The following DIAPH2 variants were observed in gnomAD, a reference collection of about 807,000 sequenced individuals.
DIAPH2 encodes diaphanous related formin 2.
Under a neutral mutation model 92.7 loss-of-function variants are expected in DIAPH2, and 35 were observed. The observed-to-expected ratio is 0.38, with a 90% CI of 0.29 to 0.50. The LOEUF (loss-of-function observed/expected upper bound fraction) is 0.50, where lower values mean the gene tolerates loss of function less well. DIAPH2 is among the 20% of genes least tolerant of loss of function. The probability of loss-of-function intolerance (pLI) is 0.94; values close to 1 mark genes in which losing one functional copy is unlikely to be tolerated. For missense variants in DIAPH2, 701 were observed against 819.5 expected, an observed-to-expected ratio of 0.86 and a Z score of 1.77; for synonymous variants, 301 against 280.4, an observed-to-expected ratio of 1.07 and a Z score of -0.73.
intron 25 of DIAPH2, among the ~76,000 whole-genome samples, chrX:97,424,686 C>G (rs779172210): frequency 1.8e-4 from 20 of 112,028 alleles, no homozygotes; most frequent in Non-Finnish European, 3.4e-4. Context: ...ATGCTCATGG[C>G]TCACTGTAAC....
chrX:96,957,022 T>A (rs770403498), intron 15 of DIAPH2, among the ~76,000 whole-genome samples: 2 of 112,725 alleles, frequency 1.8e-5, no homozygotes, highest in African/African-American at 3.2e-5. Context: ...ACTTTTTTTT[T>A]ATTTTATTAT....
chrX:97,241,107 C>T (rs1048783864), intron 22 of DIAPH2, among the ~76,000 whole-genome samples: 1 of 111,272 alleles, frequency 9.0e-6, no homozygotes, highest in Non-Finnish European at 1.9e-5. Flanking sequence ...CTTCCAGGCT[C>T]CAGAAATACT....
At chrX:97,476,901 G>A (rs1489596837) in intron 26 of DIAPH2, among the ~76,000 whole-genome samples, 3 of 87,142 alleles carry the variant, frequency 3.4e-5, no homozygotes, top group Admixed American at 1.4e-4. Flanking sequence ...CCGAGATTGC[G>A]CCATTGCACT....
chrX:97,603,231 A>G lies in DIAPH2; in HGVS notation c.*3914A>G, dbSNP rs1319074305. The stretch of plus-strand genomic sequence containing the variant: ...AGATACTGATTCCTTTTGTCCACTT[A>G]TATAGTTATTTTCTCTTTAAAAAAA... On this transcript the variant is annotated 3_prime_UTR_variant, in exon 27 of 27. Transcript: ENST00000324765. The G allele has an allele frequency of 9.3e-6, 1 of 107,740 alleles. No homozygotes were observed. The highest frequency in any genetic ancestry group is 3.4e-5 in the African/African-American group (1 of 29,420). The allele number at this position is 107,740 out of a possible 1,213,427, so 8.9% of individuals were successfully genotyped here.
At chrX:96,708,675 A>G (rs1165290961) in intron 1 of DIAPH2, among the ~76,000 whole-genome samples, 2 of 112,785 alleles carry the variant, frequency 1.8e-5, no homozygotes, top group Non-Finnish European at 3.7e-5. Context: ...TTGTGATTTA[A>G]AAAATGATTA....
At chrX:97,111,012 C>A (rs1481738976) in intron 20 of DIAPH2, among the ~76,000 whole-genome samples, 1 of 110,845 alleles carries the variant, frequency 9.0e-6, no homozygotes, top group Non-Finnish European at 1.9e-5. Context: ...AAAAAGATGC[C>A]CTATTTGATG....
chrX:96,712,115 C>G (rs1004567483), intron 1 of DIAPH2, among the ~76,000 whole-genome samples: 50 of 110,843 alleles, frequency 4.5e-4, no homozygotes, highest in African/African-American at 1.6e-3. Flanking sequence ...ACTATGCTGG[C>G]TCTTCTTCAT....
At chrX:97,066,193 C>T (rs765446448) in intron 17 of DIAPH2, among the ~76,000 whole-genome samples, 1 of 112,300 alleles carries the variant, frequency 8.9e-6, no homozygotes, top group African/African-American at 3.2e-5. Flanking sequence ...TACTCACTGA[C>T]TCACCCAGAG....
At chrX:96,975,368 T>C (rs989788457) in intron 17 of DIAPH2, among the ~76,000 whole-genome samples, 4 of 111,861 alleles carry the variant, frequency 3.6e-5, no homozygotes, top group African/African-American at 1.3e-4. Context: ...GCCTTCATAA[T>C]ATAGAAATTC....
intron 17 of DIAPH2, among the ~76,000 whole-genome samples, chrX:97,017,748 G>T (rs1433502067): frequency 8.9e-6 from 1 of 112,133 alleles, no homozygotes; most frequent in Non-Finnish European, 1.9e-5. Flanking sequence ...TGATAGAAAA[G>T]ACAGCTGCAG....
At chrX:96,848,818 T>G (rs1243551707) in intron 4 of DIAPH2, among the ~76,000 whole-genome samples, 3 of 112,422 alleles carry the variant, frequency 2.7e-5, no homozygotes, top group Non-Finnish European at 3.8e-5. Flanking sequence ...GCATTTATCT[T>G]TATTCTGCCT....
chrX:96,724,929 A>C (rs1239175178), intron 1 of DIAPH2, among the ~76,000 whole-genome samples: 1 of 111,664 alleles, frequency 9.0e-6, no homozygotes, highest in Non-Finnish European at 1.9e-5. Flanking sequence ...TCTTTTTTAT[A>C]TTGCAACTGA....
chrX:97,088,540 A>G (rs758273762), intron 19 of DIAPH2, among the ~76,000 whole-genome samples: 32 of 111,929 alleles, frequency 2.9e-4, no homozygotes, highest in African/African-American at 1.0e-3. Flanking sequence ...TGATTTGGTG[A>G]TATTTTCAAT....
chrX:97,362,207 C>T (rs1201588906), intron 24 of DIAPH2, among the ~76,000 whole-genome samples: 1 of 108,482 alleles, frequency 9.2e-6, no homozygotes, highest in Non-Finnish European at 1.9e-5. Flanking sequence ...TACCACTGCC[C>T]TCCAGTCTGG....
intron 26 of DIAPH2, among the ~76,000 whole-genome samples, chrX:97,515,792 TGA>T (rs2070942032): frequency 9.1e-6 from 1 of 110,146 alleles, no homozygotes; most frequent in South Asian, 4.0e-4. Context: ...AAGGGGAAGG[TGA>T]GAGTGACCTT....
intron 26 of DIAPH2, among the ~76,000 whole-genome samples, chrX:97,515,651 A>T (rs780628414): frequency 9.0e-6 from 1 of 111,518 alleles, no homozygotes; most frequent in South Asian, 3.9e-4. Flanking sequence ...GGACTTAACA[A>T]GGCCTGTGTT....
At chrX:97,135,416 CA>C (rs1168780187) in intron 21 of DIAPH2, among the ~76,000 whole-genome samples, 3 of 110,914 alleles carry the variant, frequency 2.7e-5, no homozygotes, top group Non-Finnish European at 5.7e-5. Context: ...CCATGTTGGC[CA>C]GGCTGGTCTC....
intron 23 of DIAPH2, among the ~76,000 whole-genome samples, chrX:97,263,908 A>T (rs868762258): frequency 9.9e-6 from 1 of 100,596 alleles, no homozygotes; most frequent in African/African-American, 3.6e-5. Flanking sequence ...TTTTTTATTT[A>T]TTTATTTATT....
intron 23 of DIAPH2, among the ~76,000 whole-genome samples, chrX:97,335,558 A>G (rs1208304022): frequency 1.8e-5 from 2 of 111,929 alleles, no homozygotes; most frequent in Admixed American, 9.5e-5. Context: ...TATTCCGGTA[A>G]ACACAACTAT....
Sources: gnomAD v4.1 joint callset for allele counts (sites outside exome capture counted in the v4.1 genomes callset) on GRCh38, gnomAD v4.1.1 for gene constraint, MANE v1.5 for transcripts, NCBI Gene and HGNC (gene_info 2026-07-23, HGNC 2026-07-21) for gene names.